The following FBXL6 variants were observed in gnomAD, a reference collection of about 807,000 sequenced individuals.
FBXL6 encodes the protein F-box and leucine rich repeat protein 6, also known as F-box/LRR-repeat protein 6.
In FBXL6, 50 loss-of-function variants were observed where a neutral mutation model predicts 53.3. The observed-to-expected ratio is 0.94, with a 90% CI of 0.75 to 1.19. The LOEUF is 1.19. Ranked by LOEUF, FBXL6 falls within the 50% of genes most tolerant of loss-of-function variation. The probability of loss-of-function intolerance (pLI) is 0.00; values close to 1 mark genes in which losing one functional copy is unlikely to be tolerated. For synonymous variants in FBXL6, 405 were observed against 322.9 expected, an observed-to-expected ratio of 1.25 and a Z score of -2.73; for missense variants, 815 against 719.0, an observed-to-expected ratio of 1.13 and a Z score of -1.53.
At position 144,356,858 on chromosome 8, in the gene FBXL6, A is replaced by G. The variant is rs1554852950; in HGVS notation, c.829T>C (p.Leu277=). Residue 277 remains leucine (L), a synonymous_variant, in exon 5 of 9, where the codon TTG becomes CTG. Transcript: ENST00000331890. ...LEEAGSRMRK[L]WLTYSSQTTA... ...GTCTGGGAGCTGTAGGTCAGCCACA[A>G]CTTGCGCATTCGGGACCCTGCCTCC... 1.2e-6 allele frequency: 2 copies of G among 1,613,342 alleles called. No homozygotes were observed. The highest frequency in any genetic ancestry group is 1.7e-5 in the Admixed American group (1 of 60,000).
intron 3 of FBXL6, 46 bp from the exon 4 acceptor site, chr8:144,357,167 A>G (rs782303523): frequency 6.2e-7 from 1 of 1,609,738 alleles, no homozygotes; most frequent in Non-Finnish European, 8.5e-7. Context: ...ACGACAGGCT[A>G]AGATCCACAA....
chr8:144,357,726 G>A lies in FBXL6; in HGVS notation c.477C>T (p.Thr159=). Residue 159 remains threonine, a synonymous_variant, in exon 2 of 9, where the codon ACC becomes ACT. Transcript: ENST00000331890. ...EAASQPALWH[T]VTLSSPLVGR... ...CGACCAGCGGGGACGACAGGGTCACGGTGTGCCAGAGCGCGGGTTGGGAAG... is the reference window on the plus strand; with the variant it reads ...CGACCAGCGGGGACGACAGGGTCACAGTGTGCCAGAGCGCGGGTTGGGAAG... 2 of 1,606,744 alleles carry A rather than the reference G, an allele frequency of 1.2e-6. No homozygotes were observed. Among genetic ancestry groups the A allele is most frequent in the South Asian group, 2.2e-5 (2 of 90,608 alleles).
In FBXL6 at chr8:144,358,175, GGCC is replaced by G; in HGVS notation, c.270_272del (p.Ala92del). ...TGGGTGCCGGTGCGGGTGCGGGCGCGGCCGCCGCCTCGGACCTGAGCCCGGCCT... is the reference window on the plus strand; with the variant it reads ...TGGGTGCCGGTGCGGGTGCGGGCGCGGCCGCCTCGGACCTGAGCCCGGCCT... On this transcript the variant is annotated inframe_deletion, in exon 1 of 9. Coordinates refer to ENST00000331890, the MANE Select transcript of FBXL6 (RefSeq NM_012162.4). The G allele has an allele frequency of 6.8e-7, 1 of 1,470,162 alleles. No individual in the cohort carries two copies. The highest frequency in any genetic ancestry group is 8.9e-7 in the Non-Finnish European group (1 of 1,118,162). 91.1% of individuals were successfully genotyped at this position (1,470,162 alleles called of 1,614,324 possible). A position where few individuals can be genotyped will look rare whatever the true frequency, so the allele number is the denominator to read the frequency against.
rs781887898 is a variant in FBXL6 at position 144,356,992 on chromosome 8, T to TG, written c.768dup (p.Met257HisfsTer56). The TG allele has an allele frequency of 6.2e-7, 1 of 1,613,002 alleles. No homozygotes were observed. On this transcript the variant is annotated frameshift_variant, in exon 4 of 9. Coordinates refer to ENST00000331890, the MANE Select transcript of FBXL6 (RefSeq NM_012162.4). LOFTEE classifies it high-confidence loss of function. ...GCCCCTTGGGACACAGGGCTCACCA[T>TG]GGAGTGCTGTAGGTCCAGGCTATGG...
chr8:144,355,823 G>C, intron 8 of FBXL6, 145 bp from the exon 9 acceptor site: 1 of 1,520,124 alleles, frequency 6.6e-7, no homozygotes, highest in Non-Finnish European at 8.9e-7. Flanking sequence ...GGTGTCCTCA[G>C]GCCCACCCCA....
intron 3 of FBXL6, 155 bp downstream of exon 3, chr8:144,357,284 C>T: frequency 1.6e-6 from 2 of 1,255,968 alleles, no homozygotes; most frequent in Non-Finnish European, 2.2e-6. Flanking sequence ...TGATACCTCC[C>T]TGCTGGAGGA....
At chr8:144,357,925 C>T in intron 1 of FBXL6, 107 bp downstream of exon 1, 3 of 1,448,550 alleles carry the variant, frequency 2.1e-6, no homozygotes, top group South Asian at 1.4e-5. Context: ...TCGGACTGAG[C>T]GGTGCGCGCT....
rs1586547387 is a variant in FBXL6 at position 144,358,174 on chromosome 8, C to A, written c.274G>T (p.Ala92Ser). ...GTGGGTGCCGGTGCGGGTGCGGGCG[C>A]GGCCGCCGCCTCGGACCTGAGCCCG... ...KAGLRSEAAA[A>S]PAPAPAPTPT... Residue 92 changes from alanine to serine, a missense_variant, in exon 1 of 9, where the codon GCG becomes TCG. Ala to Ser is a moderately conservative substitution (Grantham distance 99). Transcript: ENST00000331890. 1 of 1,469,656 alleles carries A rather than the reference C, an allele frequency of 6.8e-7. No individual in the cohort carries two copies. The highest frequency in any genetic ancestry group is 8.9e-7 in the Non-Finnish European group (1 of 1,117,860). The allele number at this position is 1,469,656 out of a possible 1,614,324, so 91.0% of individuals were successfully genotyped here. A position where few individuals can be genotyped will look rare whatever the true frequency, so the allele number is the denominator to read the frequency against.
rs2130623665 is a variant in FBXL6, at chr8:144,358,185, T to C, written c.263A>G (p.Glu88Gly). The C allele has an allele frequency of 1.4e-6, 2 of 1,429,678 alleles. No individual in the cohort carries two copies. Among genetic ancestry groups the C allele is most frequent in the South Asian group, 1.5e-5 (1 of 68,454 alleles). The allele number at this position is 1,429,678 out of a possible 1,614,324, so 88.6% of individuals were successfully genotyped here. A position where few individuals can be genotyped will look rare whatever the true frequency, so the allele number is the denominator to read the frequency against. The change falls in exon 1 of 9, where the codon GAG becomes GGG. Residue 88 changes from glutamate to glycine, a missense_variant. Coordinates refer to ENST00000331890, the MANE Select transcript of FBXL6 (RefSeq NM_012162.4). Reference sequence around the variant, plus strand: ...TGCGGGTGCGGGCGCGGCCGCCGCCTCGGACCTGAGCCCGGCCTTGGGCTT... The same window carrying C: ...TGCGGGTGCGGGCGCGGCCGCCGCCCCGGACCTGAGCCCGGCCTTGGGCTT... ...AAKPKAGLRS[E>G]AAAAPAPAPA...
At position 144,356,113 on chromosome 8, in the gene FBXL6, G is replaced by A. The variant is rs782205578; in HGVS notation, c.1327C>T (p.Arg443Ter). The change falls in exon 8 of 9, where the codon CGA (arginine) becomes TGA (stop). Residue 443 changes from arginine (R) to a stop codon, truncating the protein, a stop_gained. Transcript: ENST00000331890. LOFTEE classifies it high-confidence loss of function. ...CCCTGGCCACTCAAGTCCAGTTCTC[G>A]CAGTGTATGGCACCACTTCTGGGTC... The part of the protein sequence containing the change: ...FLTQKWCHTL[R>*]ELDLSGQGFS... The A allele has an allele frequency of 3.9e-5, 63 of 1,612,978 alleles. No homozygotes were observed. The Middle Eastern group carries it at 1.5e-3, about 38-fold the overall frequency.
chr8:144,358,076 G>A lies in FBXL6; in HGVS notation c.372C>T (p.Phe124=). ...GGCCGTCCGCCGCCACCAACAACCC[G>A]AAAATCTGCACCAGGATTTCCAAGG... ...RIPLEILVQI[F]GLLVAADGPM... The change falls in exon 1 of 9, where the codon TTC becomes TTT. Residue 124 remains phenylalanine (F), a synonymous_variant. Coordinates refer to ENST00000331890, the MANE Select transcript of FBXL6 (RefSeq NM_012162.4). 3 of 1,599,372 alleles carry A rather than the reference G, an allele frequency of 1.9e-6. No homozygotes were observed. The highest frequency in any genetic ancestry group is 2.3e-5 in the East Asian group (1 of 43,150).
rs781786054 is a variant in FBXL6 at position 144,356,277 on chromosome 8, G to A, written c.1225+23C>T. 9.1e-5 allele frequency: 147 copies of A among 1,611,524 alleles called. 1 individual carries two copies. The highest frequency in any genetic ancestry group is 1.1e-4 in the East Asian group (5 of 44,874). On this transcript the variant is annotated intron_variant, in intron 7 of 8. Transcript: ENST00000331890. ...AAGGGCCCCCACACCTCACCCGCCC[G>A]GCCACCACCCAGGACTGCTGACCCC...
chr8:144,357,545 C>T, intron 2 of FBXL6, 43 bp from the exon 3 acceptor site: 1 of 1,612,488 alleles, frequency 6.2e-7, no homozygotes, highest in Non-Finnish European at 8.5e-7. Flanking sequence ...TGTTCCCACA[C>T]GAGTCCTTCC....
At position 144,356,264 on chromosome 8, in the gene FBXL6, A is replaced by G. The variant is rs372399417; in HGVS notation, c.1225+36T>C. 5.3e-5 allele frequency: 86 copies of G among 1,611,504 alleles called. No homozygotes were observed. The African/African-American group carries it at 8.4e-4, about 16-fold the overall frequency. Reference sequence around the variant, plus strand: ...GCTACAAGGTGACAAGGGCCCCCACACCTCACCCGCCCGGCCACCACCCAG... The same window carrying G: ...GCTACAAGGTGACAAGGGCCCCCACGCCTCACCCGCCCGGCCACCACCCAG... On this transcript the variant is annotated intron_variant, in intron 7 of 8. Coordinates refer to ENST00000331890, the MANE Select transcript of FBXL6 (RefSeq NM_012162.4).
Position 144,357,454 on chromosome 8 carries a change from TAC to T in FBXL6, c.622_623del (p.Val208ThrfsTer9), listed in dbSNP as rs1175130490. The T allele has an allele frequency of 1.4e-5, 23 of 1,612,950 alleles. 1 individual carries two copies. The highest frequency in any genetic ancestry group is 1.9e-5 in the Non-Finnish European group (23 of 1,179,776). ...RLTLIHWKSQ[V>X]HPVLKLVGEC... is the part of the protein sequence containing the mutation. ...GAGCTCTCACCTTCAACACGGGGTG[TAC>T]CTGAGACTTCCAGTGGATGAGGGTC... is the stretch of plus-strand genomic sequence containing the variant. On this transcript the variant is annotated frameshift_variant, in exon 3 of 9. Coordinates refer to ENST00000331890, the MANE Select transcript of FBXL6 (RefSeq NM_012162.4). LOFTEE classifies it high-confidence loss of function.
Position 144,356,165 on chromosome 8 carries a change from A to G in FBXL6, c.1275T>C (p.Thr425=), listed in dbSNP as rs200675562. ...LGLYGTSDRL[T]LAKEGSPFLT... is the part of the protein sequence containing the mutation. ...AAAAGGGGCTGCCCTCCTTGGCTAG[A>G]GTCAGCCGGTCTGACGTGCCATACA... Residue 425 remains threonine, a synonymous_variant, in exon 8 of 9, where the codon ACT becomes ACC. Coordinates refer to ENST00000331890, the MANE Select transcript of FBXL6 (RefSeq NM_012162.4). 6.2e-7 allele frequency: 1 copy of G among 1,612,924 alleles called. No homozygotes were observed. The highest frequency in any genetic ancestry group is 1.3e-5 in the African/African-American group (1 of 75,042).
chr8:144,355,707 G>C, intron 8 of FBXL6, 29 bp from the exon 9 acceptor site: 1 of 1,607,528 alleles, frequency 6.2e-7, no homozygotes, highest in South Asian at 1.1e-5. Context: ...ACAGGAAGTT[G>C]AGCTGTTGCC....
chr8:144,357,940 T>A (rs988936837), intron 1 of FBXL6, 92 bp downstream of exon 1: 1 of 1,459,090 alleles, frequency 6.9e-7, no homozygotes, highest in African/African-American at 1.5e-5. Flanking sequence ...CGCGCTCCGA[T>A]GCTTTCGCCC....
In FBXL6 at chr8:144,357,053, G is replaced by A. The variant is rs1187211145; in HGVS notation, c.708C>T (p.Asp236=). The change falls in exon 4 of 9, where the codon GAC becomes GAT. Residue 236 remains aspartate, a synonymous_variant. Coordinates refer to ENST00000331890, the MANE Select transcript of FBXL6 (RefSeq NM_012162.4). ...KLSGCHGVTA[D]ALVMLAKACC... The stretch of plus-strand genomic sequence containing the variant: ...AGGCTTTGGCTAGCATGACCAGAGC[G>A]TCAGCAGTCACACCGTGGCAGCCGG... 16 of 1,612,976 alleles carry A rather than the reference G, an allele frequency of 9.9e-6. No homozygotes were observed. The highest frequency in any genetic ancestry group is 6.7e-5 in the East Asian group (3 of 44,880).
Sources: allele counts gnomAD v4.1 joint callset, GRCh38; gene constraint gnomAD v4.1.1; transcripts MANE v1.5; gene names NCBI Gene and HGNC (gene_info 2026-07-23, HGNC 2026-07-21).